Variants in MROH2B observed in about 807,000 individuals in gnomAD.
MROH2B encodes maestro heat-like repeat-containing protein family member 2B.
In MROH2B, 177 loss-of-function variants were observed where a neutral mutation model predicts 208.6. That is an observed-to-expected ratio of 0.85 (90% CI 0.75 to 0.96). The LOEUF (loss-of-function observed/expected upper bound fraction) is 0.96. MROH2B is among the 40% of genes least tolerant of loss of function. MROH2B has a pLI of 0.00. For synonymous variants in MROH2B, 728 were observed against 659.0 expected, an observed-to-expected ratio of 1.10 and a Z score of -1.60; for missense variants, 2,002 against 1,878.7, an observed-to-expected ratio of 1.07 and a Z score of -1.21.
intron 6 of MROH2B, among the ~76,000 whole-genome samples, chr5:41,059,047 CAAAAA>C (rs1171278919): frequency 2.7e-5 from 2 of 73,210 alleles, no homozygotes; most frequent in Admixed American, 1.4e-4. Context: ...GACTCCATCT[CAAAAA>C]AAAAAAAAAA....
chr5:41,006,611 TA>T (rs1741601703), intron 34 of MROH2B, among the ~76,000 whole-genome samples: 1 of 152,020 alleles, frequency 6.6e-6, no homozygotes, highest in South Asian at 2.1e-4. Flanking sequence ...AATGAGTGGA[TA>T]AAGAAAATGT....
At chr5:41,054,867 G>A (rs936117959) in intron 10 of MROH2B, 27 bp from the exon 11 acceptor site, 19 of 1,509,928 alleles carry the variant, frequency 1.3e-5, no homozygotes, top group Non-Finnish European at 1.7e-5. Flanking sequence ...GAAATTGAGA[G>A]GCCTGACTCA....
rs375247074 is a variant in MROH2B at position 41,039,418 on chromosome 5, T to A, written c.2061+30A>T. On this transcript the variant is annotated intron_variant, in intron 20 of 41. Coordinates refer to ENST00000399564, the MANE Select transcript of MROH2B (RefSeq NM_173489.5). The stretch of plus-strand genomic sequence containing the variant: ...TCAGGGTTGTCTGGCCTTGCAATAC[T>A]GAGAATTTGAAGGAGATGATTCTTC... The A allele has an allele frequency of 3.7e-6, 5 of 1,366,622 alleles. No homozygotes were observed. The African/African-American group carries it at 7.2e-5, about 20-fold the overall frequency. The allele number at this position is 1,366,622 out of a possible 1,614,324, so 84.7% of individuals were successfully genotyped here.
At chr5:41,019,126 C>T in intron 24 of MROH2B, 108 bp from the exon 25 acceptor site, 1 of 1,389,292 alleles carries the variant, frequency 7.2e-7, no homozygotes, top group South Asian at 1.3e-5. Context: ...ACTAACGTGT[C>T]ACATTTTCTG....
intron 24 of MROH2B, among the ~76,000 whole-genome samples, chr5:41,020,230 A>G (rs1392898726): frequency 2.0e-5 from 3 of 152,138 alleles, no homozygotes. Flanking sequence ...ATAAAATATA[A>G]TATTAAAATT....
chr5:41,003,628 A>G (rs1420364963), intron 37 of MROH2B, among the ~76,000 whole-genome samples: 1 of 152,208 alleles, frequency 6.6e-6, no homozygotes, highest in Non-Finnish European at 1.5e-5. Flanking sequence ...GAAAGAAATG[A>G]AGACTTCTCA....
chr5:41,037,009 T>C (rs372337), intron 21 of MROH2B, among the ~76,000 whole-genome samples: 116,613 of 152,034 alleles, frequency 0.77, 45,058 homozygotes, highest in Non-Finnish European at 0.81. Flanking sequence ...TAATCTTTAT[T>C]TTAATCATTC....
Position 41,018,329 on chromosome 5 carries a change from G to A in MROH2B, c.2763+12C>T, listed in dbSNP as rs1428694368. On this transcript the variant is annotated intron_variant, in intron 27 of 41. Transcript: ENST00000399564. ...AAGCAATAAAGTCTATTCATTCTAG[G>A]GGATTACTTACCTCAATATCATTTG... 3 of 1,607,984 alleles carry A rather than the reference G, an allele frequency of 1.9e-6. No individual in the cohort carries two copies. The African/African-American group carries it at 4.0e-5, about 21-fold the overall frequency.
Position 41,058,192 on chromosome 5 carries a change from G to C in MROH2B, c.627C>G (p.Ile209Met), listed in dbSNP as rs769380827. 49 of 1,585,238 alleles carry C rather than the reference G, an allele frequency of 3.1e-5. No homozygotes were observed. Among genetic ancestry groups the C allele is most frequent in the Non-Finnish European group, 4.1e-5 (48 of 1,165,202 alleles). Reference protein sequence around the residue: ...PLASPMQTLSIVKAHGPTVSL... With the variant: ...PLASPMQTLSMVKAHGPTVSL... ...TCACCGTGGGCCCGTGGGCCTTAAC[G>C]ATGCTCAAAGTCTGTACAGGCAGCA... Residue 209 changes from isoleucine to methionine, a missense_variant, in exon 7 of 42, where the codon ATC (isoleucine) becomes ATG (methionine). Ile to Met is a conservative substitution (Grantham distance 10, BLOSUM62 1). Coordinates refer to ENST00000399564, the MANE Select transcript of MROH2B (RefSeq NM_173489.5).
intron 28 of MROH2B, among the ~76,000 whole-genome samples, chr5:41,016,032 G>A (rs1741937787): frequency 6.6e-6 from 1 of 152,110 alleles, no homozygotes; most frequent in African/African-American, 2.4e-5. Context: ...TATTAATCAT[G>A]GAAACTAACA....
intron 24 of MROH2B, among the ~76,000 whole-genome samples, chr5:41,021,158 G>T (rs1319942834): frequency 6.6e-6 from 1 of 152,026 alleles, no homozygotes; most frequent in African/African-American, 2.4e-5. Context: ...GATTTGTTAA[G>T]AAATGAACAA....
intron 3 of MROH2B, 66 bp downstream of exon 3, chr5:41,067,042 C>T: frequency 1.2e-6 from 1 of 847,188 alleles, no homozygotes; most frequent in East Asian, 2.7e-5. Context: ...GAAGAGCTTA[C>T]TGATGTCCAC....
chr5:41,008,817 G>T, intron 32 of MROH2B, 24 bp from the exon 33 acceptor site: 1 of 1,591,786 alleles, frequency 6.3e-7, no homozygotes, highest in South Asian at 1.1e-5. Context: ...GGGCCTCTTG[G>T]TCAGGCAGTC....
intron 21 of MROH2B, 136 bp from the exon 22 acceptor site, chr5:41,034,000 T>G: frequency 2.5e-6 from 3 of 1,184,334 alleles, no homozygotes; most frequent in East Asian, 6.9e-5. Context: ...AGGGGGGTCT[T>G]GCCAAGGGGA....
At chr5:41,054,231 C>T (rs1197939522) in intron 11 of MROH2B, among the ~76,000 whole-genome samples, 3 of 152,152 alleles carry the variant, frequency 2.0e-5, no homozygotes, top group Non-Finnish European at 4.4e-5. Context: ...TCACCTACCT[C>T]GGCCTCCCAA....
In MROH2B at chr5:41,062,438, C is replaced by T. The variant is rs1212428358; in HGVS notation, c.461-714G>A. 2.0e-5 allele frequency among the ~76,000 whole-genome samples: 3 copies of T among 152,150 alleles called. 1 individual carries two copies. The East Asian group carries it at 5.8e-4, about 29-fold the overall frequency. On this transcript the variant is annotated intron_variant, in intron 5 of 41. Transcript: ENST00000399564. Reference sequence around the variant, plus strand: ...TAAGTGGTGGCCACATGGGCAACTTCACTTTGAAATAACTCATCAACATGG... The same window carrying T: ...TAAGTGGTGGCCACATGGGCAACTTTACTTTGAAATAACTCATCAACATGG...
chr5:41,025,601 G>A (rs1742325711), intron 24 of MROH2B, among the ~76,000 whole-genome samples: 1 of 152,100 alleles, frequency 6.6e-6, no homozygotes, highest in Admixed American at 6.6e-5. Flanking sequence ...AATTCTACCA[G>A]AGGTACAAGG....
intron 19 of MROH2B, among the ~76,000 whole-genome samples, chr5:41,040,262 C>T (rs1395271140): frequency 6.6e-6 from 1 of 152,186 alleles, no homozygotes; most frequent in Non-Finnish European, 1.5e-5. Flanking sequence ...TCTTGTTTCA[C>T]ACTCTGAGGT....
intron 24 of MROH2B, among the ~76,000 whole-genome samples, chr5:41,026,520 C>T (rs1051800899): frequency 6.6e-5 from 10 of 152,174 alleles, no homozygotes; most frequent in Non-Finnish European, 1.3e-4. Context: ...CAAACCACTG[C>T]TCAATGAAAT....
Sources: gnomAD v4.1 joint callset for allele counts (sites outside exome capture counted in the v4.1 genomes callset) on GRCh38, gnomAD v4.1.1 for gene constraint, MANE v1.5 for transcripts, NCBI Gene and HGNC (gene_info 2026-07-23, HGNC 2026-07-21) for gene names.